C9orf57: variants seen among roughly 807,000 people sequenced by gnomAD.
C9orf57 encodes chromosome 9 open reading frame 57.
Under a neutral mutation model 12.9 loss-of-function variants are expected in C9orf57, and 12 were observed. The observed-to-expected ratio is 0.93, with a 90% CI of 0.60 to 1.51. The LOEUF (loss-of-function observed/expected upper bound fraction) is 1.51. C9orf57 is among the 40% of genes most tolerant of loss of function. C9orf57 has a pLI of 0.00. For missense variants in C9orf57, 141 were observed against 162.8 expected (o/e 0.87, Z 0.73); for synonymous variants, 49 against 57.1 (o/e 0.86, Z 0.64).
intron 1 of C9orf57, 29 bp from the exon 2 acceptor site, chr9:72,059,413 T>C (rs753748860): frequency 7.1e-6 from 11 of 1,546,758 alleles, no homozygotes; most frequent in Non-Finnish European, 9.6e-6. Flanking sequence ...TACACATTTA[T>C]GTTAGCTATT....
rs1404909741 is a variant in C9orf57 at position 72,056,814 on chromosome 9, G to A, written c.127C>T (p.Gln43Ter). Residue 43 changes from glutamine (Q) to a stop codon, truncating the protein, a stop_gained, in exon 3 of 5, where the codon CAG becomes TAG. Transcript: ENST00000651200. LOFTEE classifies it high-confidence loss of function. ...ATGTGGACCTCTTCTTTCCAGTACT[G>A]ACCAGGTTTTGTCTGGCAGGTTCCC... The part of the protein sequence containing the change: ...DLGTCQTKPG[Q>*]YWKEEVHIQD... 2.6e-6 allele frequency: 4 copies of A among 1,550,996 alleles called. No homozygotes were observed. Among genetic ancestry groups the A allele is most frequent in the Admixed American group, 2.0e-5 (1 of 50,966 alleles).
rs1824094712 is a variant in C9orf57 at position 72,052,185 on chromosome 9, G to A, written c.*111C>T. ...GATCAAAATTCCTTCTACCTACAAG[G>A]GTCTGAGGTTTCTGAAGTGGGCTAA... is the stretch of plus-strand genomic sequence containing the variant. On this transcript the variant is annotated 3_prime_UTR_variant, in exon 5 of 5. Coordinates refer to ENST00000651200, the MANE Select transcript of C9orf57 (RefSeq NM_001128618.2). The A allele has an allele frequency of 2.4e-6, 3 of 1,225,782 alleles. No homozygotes were observed. The Admixed American group carries it at 7.0e-5, about 29-fold the overall frequency. The allele number at this position is 1,225,782 out of a possible 1,614,324, so 75.9% of individuals were successfully genotyped here.
intron 1 of C9orf57, among the ~76,000 whole-genome samples, chr9:72,059,857 A>G (rs1034288768): frequency 1.3e-5 from 2 of 152,080 alleles, no homozygotes; most frequent in African/African-American, 4.8e-5. Flanking sequence ...CTAGTTCCAG[A>G]ACATTTTAAG....
intron 1 of C9orf57, among the ~76,000 whole-genome samples, chr9:72,060,241 T>G (rs1174972034): frequency 2.0e-5 from 3 of 152,118 alleles, no homozygotes; most frequent in Non-Finnish European, 2.9e-5. Flanking sequence ...AAGACGGGGT[T>G]TCACCATGTT....
Position 72,056,813 on chromosome 9 carries a change from T to C in C9orf57, c.128A>G (p.Gln43Arg). ...AATGTGGACCTCTTCTTTCCAGTAC[T>C]GACCAGGTTTTGTCTGGCAGGTTCC... ...DLGTCQTKPGQYWKEEVHIQD... is the reference protein window; with the variant it reads ...DLGTCQTKPGRYWKEEVHIQD... Residue 43 changes from glutamine (Q) to arginine (R), a missense_variant, in exon 3 of 5, where the codon CAG becomes CGG. Coordinates refer to ENST00000651200, the MANE Select transcript of C9orf57 (RefSeq NM_001128618.2). 1.3e-6 allele frequency: 2 copies of C among 1,551,122 alleles called. No individual in the cohort carries two copies.
At chr9:72,054,718 T>G (rs928883937) in intron 4 of C9orf57, among the ~76,000 whole-genome samples, 1 of 152,126 alleles carries the variant, frequency 6.6e-6, no homozygotes, top group Non-Finnish European at 1.5e-5. Flanking sequence ...TATTTACTCT[T>G]GATTGTTGGT....
intron 4 of C9orf57, among the ~76,000 whole-genome samples, chr9:72,055,550 G>A (rs983169222): frequency 2.0e-5 from 3 of 151,808 alleles, no homozygotes; most frequent in African/African-American, 4.8e-5. Flanking sequence ...TGGCCTCCCC[G>A]GTAGCTGGGA....
At chr9:72,059,159 G>A (rs746049595) in intron 2 of C9orf57, 76 bp downstream of exon 2, 37 of 1,530,114 alleles carry the variant, frequency 2.4e-5, no homozygotes, top group African/African-American at 2.8e-5. Flanking sequence ...GATTACAGGC[G>A]TGAGCCGCCA....
At chr9:72,056,876 T>C (rs1390500347) in intron 2 of C9orf57, 33 bp from the exon 3 acceptor site, 1 of 1,527,494 alleles carries the variant, frequency 6.5e-7, no homozygotes, top group African/African-American at 1.4e-5. Flanking sequence ...GATTGAAAGA[T>C]TGCATGCTCT....
At chr9:72,058,456 C>G (rs1824254189) in intron 2 of C9orf57, among the ~76,000 whole-genome samples, 1 of 152,150 alleles carries the variant, frequency 6.6e-6, no homozygotes, top group African/African-American at 2.4e-5. Flanking sequence ...CCACCGCGGC[C>G]AGCCTTAGGG....
intron 4 of C9orf57, among the ~76,000 whole-genome samples, chr9:72,053,917 T>A (rs1824133553): frequency 6.6e-6 from 1 of 152,200 alleles, no homozygotes; most frequent in Non-Finnish European, 1.5e-5. Flanking sequence ...TCTGGTTCAT[T>A]TTGAGTGTTG....
intron 4 of C9orf57, among the ~76,000 whole-genome samples, chr9:72,054,855 T>C (rs150862517): frequency 6.7e-4 from 102 of 151,528 alleles, no homozygotes; most frequent in African/African-American, 2.3e-3. Flanking sequence ...TTTATAAATG[T>C]TAAACTCTTC....
intron 3 of C9orf57, 127 bp downstream of exon 3, chr9:72,056,657 T>C (rs1824209131): frequency 4.4e-6 from 4 of 903,966 alleles, no homozygotes; most frequent in Non-Finnish European, 6.4e-6. Flanking sequence ...GCTCTTTTCA[T>C]TGTTTTGTTG....
intron 4 of C9orf57, among the ~76,000 whole-genome samples, chr9:72,054,509 C>T (rs566395099): frequency 1.4e-4 from 21 of 152,290 alleles, no homozygotes; most frequent in Non-Finnish European, 2.6e-4. Flanking sequence ...AATGTCTGAG[C>T]GTTCCCATTT....
At chr9:72,060,140 C>T (rs139046237) in intron 1 of C9orf57, among the ~76,000 whole-genome samples, 246 of 152,150 alleles carry the variant, frequency 1.6e-3, no homozygotes, top group Middle Eastern at 6.8e-3. Flanking sequence ...TCGGCCTCCC[C>T]GGTTCAAGCG....
chr9:72,052,285 G>C lies in C9orf57; in HGVS notation c.*11C>G. On this transcript the variant is annotated 3_prime_UTR_variant, in exon 5 of 5. Coordinates refer to ENST00000651200, the MANE Select transcript of C9orf57 (RefSeq NM_001128618.2). ...TTGATCTGCCAAGCATTTTAGATAT[G>C]GGCCACTGACTCAGAAATTGCACAA... 1 of 1,551,168 alleles carries C rather than the reference G, an allele frequency of 6.4e-7. No individual in the cohort carries two copies. The highest frequency in any genetic ancestry group is 8.7e-7 in the Non-Finnish European group (1 of 1,146,818).
rs1444461535 is a variant in C9orf57, at chr9:72,051,735, C to T, written c.*561G>A. ...AAATAAGTGCCAGCCCTACCACCTG[C>T]CTCAGCCCTTTCCTGTTTGGGTTCA... On this transcript the variant is annotated 3_prime_UTR_variant, in exon 5 of 5. Transcript: ENST00000651200. 6.6e-6 allele frequency: 1 copy of T among 152,340 alleles called. No individual in the cohort carries two copies. Among genetic ancestry groups the T allele is most frequent in the East Asian group, 1.9e-4 (1 of 5,202 alleles). 9.4% of individuals were successfully genotyped at this position (152,340 alleles called of 1,614,324 possible). A position where few individuals can be genotyped will look rare whatever the true frequency, so the allele number is the denominator to read the frequency against.
chr9:72,055,985 A>G, intron 4 of C9orf57, 89 bp downstream of exon 4: 2 of 1,361,848 alleles, frequency 1.5e-6, no homozygotes, highest in South Asian at 3.3e-5. Context: ...CAAAGCCCTT[A>G]GTGTAGCATC....
intron 4 of C9orf57, among the ~76,000 whole-genome samples, 200 bp downstream of exon 4, chr9:72,055,874 A>C (rs1385332211): frequency 1.3e-5 from 2 of 152,086 alleles, no homozygotes; most frequent in Non-Finnish European, 2.9e-5. Flanking sequence ...TGTGCAAATT[A>C]CTTAATCGTT....
Sources: allele counts gnomAD v4.1 joint callset (sites outside exome capture counted in the v4.1 genomes callset), GRCh38; gene constraint gnomAD v4.1.1; transcripts MANE v1.5; gene names NCBI Gene and HGNC (gene_info 2026-07-23, HGNC 2026-07-21).